The following MRGPRE variants were observed in gnomAD, a reference collection of about 807,000 sequenced individuals.
The protein encoded by MRGPRE is MAS related GPR family member E.
For synonymous variants in MRGPRE, 229 were observed against 206.7 expected (o/e 1.11, Z -0.92); for missense variants, 466 against 433.4 (o/e 1.08, Z -0.67).
In MRGPRE at chr11:3,228,195, C is replaced by CGCA. The variant is rs1182847814; in HGVS notation, c.602_604dup (p.Leu201dup). The stretch of plus-strand genomic sequence containing the variant: ...GGGCCGCTGGGGGCCTCGCTCCACC[C>CGCA]GCAGCAGCAGCATAAGGCTGGCCCC... On this transcript the variant is annotated inframe_insertion, in exon 2 of 2. Coordinates refer to ENST00000389832, the MANE Select transcript of MRGPRE (RefSeq NM_001039165.4). The CGCA allele has an allele frequency of 1.4e-5, 22 of 1,560,670 alleles. No homozygotes were observed. Among genetic ancestry groups the CGCA allele is most frequent in the Non-Finnish European group, 1.6e-5 (19 of 1,152,732 alleles).
At position 3,225,294 on chromosome 11, in the gene MRGPRE, C is replaced by T. The variant is rs546230999; in HGVS notation, c.*2567G>A. On this transcript the variant is annotated 3_prime_UTR_variant, in exon 2 of 2. Coordinates refer to ENST00000389832, the MANE Select transcript of MRGPRE (RefSeq NM_001039165.4). ...ACAGGCTCCCTGGAATGTTGGCTGC[C>T]CCCAGGAGTAGCCGCCTGTTCTTGG... Among the ~76,000 whole-genome samples, 4 of 152,364 alleles carry T rather than the reference C, an allele frequency of 2.6e-5. No individual in the cohort carries two copies. Among genetic ancestry groups the T allele is most frequent in the Admixed American group, 6.5e-5 (1 of 15,310 alleles).
chr11:3,227,317 G>A lies in MRGPRE; in HGVS notation c.*544C>T, dbSNP rs897541792. On this transcript the variant is annotated 3_prime_UTR_variant, in exon 2 of 2. Coordinates refer to ENST00000389832, the MANE Select transcript of MRGPRE (RefSeq NM_001039165.4). ...GCAACTGGCTGATGATCAAGGACGGGGAGGGGGTCAAGTTTTGGGCAGTCT... is the reference window on the plus strand; with the variant it reads ...GCAACTGGCTGATGATCAAGGACGGAGAGGGGGTCAAGTTTTGGGCAGTCT... Among the ~76,000 whole-genome samples the A allele has an allele frequency of 6.6e-6, 1 of 152,196 alleles. No homozygotes were observed. The highest frequency in any genetic ancestry group is 2.4e-5 in the African/African-American group (1 of 41,442).
Position 3,227,198 on chromosome 11 carries a change from C to T in MRGPRE, c.*663G>A, listed in dbSNP as rs1847770384. ...GAAGCCTCTCCACCCACCCAGGGTGCACCCTCCTAATATCCAGGGACACCC... is the reference window on the plus strand; with the variant it reads ...GAAGCCTCTCCACCCACCCAGGGTGTACCCTCCTAATATCCAGGGACACCC... On this transcript the variant is annotated 3_prime_UTR_variant, in exon 2 of 2. Coordinates refer to ENST00000389832, the MANE Select transcript of MRGPRE (RefSeq NM_001039165.4). Among the ~76,000 whole-genome samples, 1 of 152,114 alleles carries T rather than the reference C, an allele frequency of 6.6e-6. No homozygotes were observed. The highest frequency in any genetic ancestry group is 2.4e-5 in the African/African-American group (1 of 41,430).
Position 3,229,826 on chromosome 11 carries a change from A to G in MRGPRE, c.-61-966T>C, listed in dbSNP as rs1308188234. On this transcript the variant is annotated intron_variant, in intron 1 of 1. Transcript: ENST00000389832. This position sits in a 1 kb window ranked among gnomAD's most constrained non-coding sequence, Gnocchi z 4.4. ...CACATGAGGAGGCTGCATCCTGCTC[A>G]ACGTTGCCCGCCCTTTCCCCATGGG... is the stretch of plus-strand genomic sequence containing the variant. Among the ~76,000 whole-genome samples, 1 of 152,196 alleles carries G rather than the reference A, an allele frequency of 6.6e-6. No homozygotes were observed. The highest frequency in any genetic ancestry group is 1.5e-5 in the Non-Finnish European group (1 of 68,016).
chr11:3,227,828 G>T lies in MRGPRE; in HGVS notation c.*33C>A. On this transcript the variant is annotated 3_prime_UTR_variant, in exon 2 of 2. Coordinates refer to ENST00000389832, the MANE Select transcript of MRGPRE (RefSeq NM_001039165.4). Reference sequence around the variant, plus strand: ...TCCCCAAGTCACCCTCTTGCCTCACGGGGGCTGCAGCTGGGGTCGGGGGCC... The same window carrying T: ...TCCCCAAGTCACCCTCTTGCCTCACTGGGGCTGCAGCTGGGGTCGGGGGCC... The T allele has an allele frequency of 7.1e-7, 1 of 1,417,296 alleles. No homozygotes were observed. The highest frequency in any genetic ancestry group is 9.2e-7 in the Non-Finnish European group (1 of 1,082,920). The allele number at this position is 1,417,296 out of a possible 1,614,324, so 87.8% of individuals were successfully genotyped here. A position where few individuals can be genotyped will look rare whatever the true frequency, so the allele number is the denominator to read the frequency against.
Position 3,225,222 on chromosome 11 carries a change from A to C in MRGPRE, c.*2639T>G, listed in dbSNP as rs1175166814. 6.6e-6 allele frequency among the ~76,000 whole-genome samples: 1 copy of C among 152,248 alleles called. No individual in the cohort carries two copies. ...TCTCCGCTCCTGTCCTCACACACACAGTCCTCACCCACAGCCTCCCTGGGC... is the reference window on the plus strand; with the variant it reads ...TCTCCGCTCCTGTCCTCACACACACCGTCCTCACCCACAGCCTCCCTGGGC... On this transcript the variant is annotated 3_prime_UTR_variant, in exon 2 of 2. Transcript: ENST00000389832.
Position 3,227,778 on chromosome 11 carries a change from G to GCCCCAGCCTCTGA in MRGPRE, c.*70_*82dup. 1.7e-6 allele frequency: 2 copies of GCCCCAGCCTCTGA among 1,169,432 alleles called. No homozygotes were observed. Among genetic ancestry groups the GCCCCAGCCTCTGA allele is most frequent in the Non-Finnish European group, 2.3e-6 (2 of 867,372 alleles). 72.4% of individuals were successfully genotyped at this position (1,169,432 alleles called of 1,614,324 possible). On this transcript the variant is annotated 3_prime_UTR_variant, in exon 2 of 2. Coordinates refer to ENST00000389832, the MANE Select transcript of MRGPRE (RefSeq NM_001039165.4). Reference sequence around the variant, plus strand: ...CCAAGGCCTCCTCCAGGTCCGGCTGGCCCCAGCCTCTGACCCCACCACCTT... The same window carrying GCCCCAGCCTCTGA: ...CCAAGGCCTCCTCCAGGTCCGGCTGGCCCCAGCCTCTGACCCCAGCCTCTGACCCCACCACCTT...
In MRGPRE at chr11:3,227,166, G is replaced by A. The variant is rs1324108994; in HGVS notation, c.*695C>T. On this transcript the variant is annotated 3_prime_UTR_variant, in exon 2 of 2. Transcript: ENST00000389832. ...ACAGGGCTGCAGGCTGCTGGGTGGG[G>A]CTGTAAGAAGCCTCTCCACCCACCC... Among the ~76,000 whole-genome samples the A allele has an allele frequency of 1.3e-5, 2 of 152,098 alleles. No homozygotes were observed. The highest frequency in any genetic ancestry group is 2.4e-5 in the African/African-American group (1 of 41,404).
chr11:3,231,291 G>A lies in MRGPRE; in HGVS notation c.-62+850C>T, dbSNP rs903717256. Among the ~76,000 whole-genome samples the A allele has an allele frequency of 6.6e-6, 1 of 152,104 alleles. No homozygotes were observed. Among genetic ancestry groups the A allele is most frequent in the South Asian group, 2.1e-4 (1 of 4,810 alleles). ...GAGGGGAGAGTGCAGGAAGGGGAGA[G>A]GCATGAAGAGATGGGGGACAGAGAA... On this transcript the variant is annotated intron_variant, in intron 1 of 1. Coordinates refer to ENST00000389832, the MANE Select transcript of MRGPRE (RefSeq NM_001039165.4). The surrounding 1 kb of genome is among the most constrained non-coding windows in gnomAD (Gnocchi z 4.7).
Position 3,226,747 on chromosome 11 carries a change from T to C in MRGPRE, c.*1114A>G, listed in dbSNP as rs1405006602. 2.0e-5 allele frequency among the ~76,000 whole-genome samples: 3 copies of C among 152,188 alleles called. No homozygotes were observed. Among genetic ancestry groups the C allele is most frequent in the South Asian group, 2.1e-4 (1 of 4,836 alleles). On this transcript the variant is annotated 3_prime_UTR_variant, in exon 2 of 2. Transcript: ENST00000389832. The stretch of plus-strand genomic sequence containing the variant: ...GCACTGTGGACTTGGATGTGTGGCG[T>C]TGGTGGCAGTAGAATCGACAGACAT...
rs1218274367 is a variant in MRGPRE at position 3,228,624 on chromosome 11, G to A, written c.176C>T (p.Ala59Val). ...GCAGGCCACGTCCAGGAGGTAGATG[G>A]CGAAGGGGTTTCTGTAGACATTGGA... ...LSSNVYRNPF[A>V]IYLLDVACAD... The change falls in exon 2 of 2, where the codon GCC (alanine) becomes GTC (valine). Residue 59 changes from alanine to valine, a missense_variant. Coordinates refer to ENST00000389832, the MANE Select transcript of MRGPRE (RefSeq NM_001039165.4). 2 of 1,614,126 alleles carry A rather than the reference G, an allele frequency of 1.2e-6. No individual in the cohort carries two copies. Among genetic ancestry groups the A allele is most frequent in the South Asian group, 2.2e-5 (2 of 91,084 alleles).
Position 3,228,754 on chromosome 11 carries a change from C to T in MRGPRE, c.46G>A (p.Gly16Ser), listed in dbSNP as rs12295710. 719,070 of 1,611,650 alleles carry T rather than the reference C, an allele frequency of 0.45. 167,047 individuals are homozygous for T. The highest frequency in any genetic ancestry group is 0.51 in the East Asian group (22,907 of 44,746). ...TTGAAGGCCACATCCTCCTGGGCGC[C>T]GTTGGCGGCCCCCACGTGCTGTCCA... ...EAGQHVGAAN[G>S]AQEDVAFNLI... is the part of the protein sequence containing the mutation. Residue 16 changes from glycine to serine, a missense_variant, in exon 2 of 2, where the codon GGC becomes AGC. Transcript: ENST00000389832.
In MRGPRE at chr11:3,229,964, C is replaced by T. The variant is rs891016707; in HGVS notation, c.-61-1104G>A. 2.6e-5 allele frequency among the ~76,000 whole-genome samples: 4 copies of T among 152,152 alleles called. No individual in the cohort carries two copies. The highest frequency in any genetic ancestry group is 4.4e-5 in the Non-Finnish European group (3 of 68,026). Reference sequence around the variant, plus strand: ...AGTCGGCTCACGGGGACAGGTCCTGCGGGAGGGGTACTGAGTCCTGGGAGG... The same window carrying T: ...AGTCGGCTCACGGGGACAGGTCCTGTGGGAGGGGTACTGAGTCCTGGGAGG... On this transcript the variant is annotated intron_variant, in intron 1 of 1. Transcript: ENST00000389832. The surrounding 1 kb of genome is among the most constrained non-coding windows in gnomAD (Gnocchi z 4.4).
chr11:3,228,997 C>T (rs149126488), intron 1 of MRGPRE, 137 bp from the exon 2 acceptor site: 210 of 554,248 alleles, frequency 3.8e-4, no homozygotes, highest in African/African-American at 3.3e-3. Context: ...CTCTCATTTC[C>T]ACCCTCAGCC....
chr11:3,229,212 C>CTTTTTTTTTTTTT lies in MRGPRE; in HGVS notation c.-61-365_-61-353dup, dbSNP rs60799467. Among the ~76,000 whole-genome samples, 1 of 126,656 alleles carries CTTTTTTTTTTTTT rather than the reference C, an allele frequency of 7.9e-6. No individual in the cohort carries two copies. Among genetic ancestry groups the CTTTTTTTTTTTTT allele is most frequent in the Non-Finnish European group, 1.6e-5 (1 of 61,640 alleles). 83.1% of individuals were successfully genotyped at this position (126,656 alleles called of 152,430 possible). A position where few individuals can be genotyped will look rare whatever the true frequency, so the allele number is the denominator to read the frequency against. ...GTGGTGCCTTGATCCTCAGAATGGG[C>CTTTTTTTTTTTTT]TTTTTTTTTTTTTTTTTTTTTTTTT... On this transcript the variant is annotated intron_variant, in intron 1 of 1. Transcript: ENST00000389832. The surrounding 1 kb of genome is among the most constrained non-coding windows in gnomAD (Gnocchi z 4.4).
Position 3,229,006 on chromosome 11 carries a change from C to T in MRGPRE, c.-61-146G>A, listed in dbSNP as rs1847799473. On this transcript the variant is annotated intron_variant, in intron 1 of 1. Coordinates refer to ENST00000389832, the MANE Select transcript of MRGPRE (RefSeq NM_001039165.4). The surrounding 1 kb of genome is among the most constrained non-coding windows in gnomAD (Gnocchi z 4.4). ...ACCCCTCTCTCATTTCCACCCTCAG[C>T]CACCTGACCTAAGCTTCTCTTCCCT... 2 of 551,618 alleles carry T rather than the reference C, an allele frequency of 3.6e-6. No individual in the cohort carries two copies. The highest frequency in any genetic ancestry group is 1.9e-5 in the African/African-American group (1 of 53,326). The allele number at this position is 551,618 out of a possible 1,614,324, so 34.2% of individuals were successfully genotyped here.
rs1003517912 is a variant in MRGPRE, at chr11:3,231,084, A to G, written c.-62+1057T>C. ...GTCCCGTCCACCCATGGACGGAGCT[A>G]TCTCCGGGATCTACCAGCAAGCTCC... On this transcript the variant is annotated intron_variant, in intron 1 of 1. Coordinates refer to ENST00000389832, the MANE Select transcript of MRGPRE (RefSeq NM_001039165.4). This position sits in a 1 kb window ranked among gnomAD's most constrained non-coding sequence, Gnocchi z 4.7. Among the ~76,000 whole-genome samples, 13 of 152,036 alleles carry G rather than the reference A, an allele frequency of 8.6e-5. No homozygotes were observed. The highest frequency in any genetic ancestry group is 1.5e-5 in the Non-Finnish European group (1 of 67,998).
Position 3,229,404 on chromosome 11 carries a change from T to C in MRGPRE, c.-61-544A>G, listed in dbSNP as rs1274697286. On this transcript the variant is annotated intron_variant, in intron 1 of 1. Coordinates refer to ENST00000389832, the MANE Select transcript of MRGPRE (RefSeq NM_001039165.4). This position sits in a 1 kb window ranked among gnomAD's most constrained non-coding sequence, Gnocchi z 4.4. Reference sequence around the variant, plus strand: ...CCATGCCCAGCTAATTTATTGCATTTTTAGTAGAGACAGGGTTTCACCATA... The same window carrying C: ...CCATGCCCAGCTAATTTATTGCATTCTTAGTAGAGACAGGGTTTCACCATA... Among the ~76,000 whole-genome samples the C allele has an allele frequency of 6.6e-6, 1 of 152,088 alleles. No individual in the cohort carries two copies. The highest frequency in any genetic ancestry group is 1.5e-5 in the Non-Finnish European group (1 of 68,006).
At position 3,230,032 on chromosome 11, in the gene MRGPRE, A is replaced by G. The variant is rs908381391; in HGVS notation, c.-61-1172T>C. On this transcript the variant is annotated intron_variant, in intron 1 of 1. Coordinates refer to ENST00000389832, the MANE Select transcript of MRGPRE (RefSeq NM_001039165.4). The surrounding 1 kb of genome is among the most constrained non-coding windows in gnomAD (Gnocchi z 5.5). Reference sequence around the variant, plus strand: ...GACCTAGGCTGGAATCGGAGTCTTCATCACAGCTTTGCCAGAAATACAGCA... The same window carrying G: ...GACCTAGGCTGGAATCGGAGTCTTCGTCACAGCTTTGCCAGAAATACAGCA... Among the ~76,000 whole-genome samples the G allele has an allele frequency of 6.6e-6, 1 of 152,196 alleles. No homozygotes were observed. The highest frequency in any genetic ancestry group is 2.4e-5 in the African/African-American group (1 of 41,426).
Sources: gnomAD v4.1 joint callset for allele counts (sites outside exome capture counted in the v4.1 genomes callset) on GRCh38, gnomAD v4.1.1 for gene constraint, Gnocchi (gnomAD v3.1) non-coding constraint, MANE v1.5 for transcripts, NCBI Gene and HGNC (gene_info 2026-07-23, HGNC 2026-07-21) for gene names.